The following SNX18 variants were observed in gnomAD, a reference collection of about 807,000 sequenced individuals.
SNX18 encodes the protein sorting nexin-18.
A neutral mutation model predicts 48.7 loss-of-function variants in SNX18; 35 were observed. That is an observed-to-expected ratio of 0.72 (90% CI 0.55 to 0.95). The LOEUF is 0.95. Among genes scored for constraint, SNX18 ranks in the 40% least tolerant of loss-of-function variants. The pLI is 0.00. For synonymous variants in SNX18, 492 were observed against 384.7 expected (o/e 1.28, Z -3.26); for missense variants, 824 against 871.0 (o/e 0.95, Z 0.68).
At chr5:54,633,062 C>A in the SNX18 span, among the ~76,000 whole-genome samples, 1 of 152,072 alleles carries the variant, frequency 6.6e-6, no homozygotes, top group Non-Finnish European at 1.5e-5. Flanking sequence ...TGAGCCACTG[C>A]GCCCGGCCCA....
chr5:54,534,692 CCT>C (rs998969697), intron 1 of SNX18, among the ~76,000 whole-genome samples: 2 of 149,396 alleles, frequency 1.3e-5, no homozygotes, highest in African/African-American at 5.0e-5. Flanking sequence ...TTTTTTTTTC[CCT>C]CTGTCTCACT....
chr5:54,567,602 G>T, the SNX18 span, among the ~76,000 whole-genome samples: 1 of 152,180 alleles, frequency 6.6e-6, no homozygotes, highest in South Asian at 2.1e-4. Context: ...GGAAGGAAAT[G>T]CATGATTTTC....
At chr5:54,640,709 A>G in the SNX18 span, among the ~76,000 whole-genome samples, 1 of 152,148 alleles carries the variant, frequency 6.6e-6, no homozygotes, top group African/African-American at 2.4e-5. Flanking sequence ...GGGCTCTTCA[A>G]TAGAAGGGGA....
At chr5:54,525,968 A>T (rs535378825) in intron 1 of SNX18, among the ~76,000 whole-genome samples, 1 of 152,250 alleles carries the variant, frequency 6.6e-6, no homozygotes, top group East Asian at 1.9e-4. Flanking sequence ...CCTCACTAGG[A>T]ACTTCGAATG....
the SNX18 span, among the ~76,000 whole-genome samples, chr5:54,574,420 CT>C: frequency 1.3e-5 from 2 of 152,218 alleles, no homozygotes; most frequent in African/African-American, 4.8e-5. Flanking sequence ...AAGACCCCAG[CT>C]CCCAAAGGTA....
At chr5:54,638,538 C>T in the SNX18 span, among the ~76,000 whole-genome samples, 3 of 151,918 alleles carry the variant, frequency 2.0e-5, no homozygotes, top group African/African-American at 7.3e-5. Context: ...TTTAAGAGGG[C>T]TTGGTATCTT....
chr5:54,528,472 G>A (rs562856433), intron 1 of SNX18, among the ~76,000 whole-genome samples: 13 of 152,356 alleles, frequency 8.5e-5, no homozygotes, highest in South Asian at 4.1e-4. Context: ...AGAGGCTTGA[G>A]TGGGCAGCAT....
chr5:54,585,281 G>T, the SNX18 span, among the ~76,000 whole-genome samples: 1 of 144,240 alleles, frequency 6.9e-6, no homozygotes, highest in African/African-American at 2.6e-5. Flanking sequence ...GACAGAGTGA[G>T]ACTCTGTCCC....
At chr5:54,562,805 G>A in the SNX18 span, among the ~76,000 whole-genome samples, 2 of 152,286 alleles carry the variant, frequency 1.3e-5, no homozygotes, top group East Asian at 3.9e-4. Context: ...TCCTTCAGGA[G>A]GTATCCAGAA....
chr5:54,647,873 G>A, the SNX18 span, among the ~76,000 whole-genome samples: 1 of 152,072 alleles, frequency 6.6e-6, no homozygotes, highest in Non-Finnish European at 1.5e-5. Context: ...AGAACTTGGA[G>A]ACTGACCGGA....
the SNX18 span, among the ~76,000 whole-genome samples, chr5:54,625,623 A>G: frequency 7.9e-5 from 12 of 152,164 alleles, no homozygotes; most frequent in Non-Finnish European, 1.5e-4. Context: ...GCTGTATTCT[A>G]TTTATTAGAA....
chr5:54,616,977 G>C, the SNX18 span, among the ~76,000 whole-genome samples: 1 of 152,130 alleles, frequency 6.6e-6, no homozygotes, highest in Admixed American at 6.5e-5. Flanking sequence ...ATCACATCAA[G>C]CTGGTTTTTA....
intron 1 of SNX18, among the ~76,000 whole-genome samples, chr5:54,534,772 G>A (rs1217536026): frequency 6.6e-6 from 1 of 152,018 alleles, no homozygotes; most frequent in Non-Finnish European, 1.5e-5. Flanking sequence ...ACATGGAACA[G>A]AGAAGTTTAG....
the SNX18 span, chr5:54,645,667 C>T: frequency 1.3e-5 from 2 of 152,234 alleles, no homozygotes; most frequent in Non-Finnish European, 2.9e-5. Context: ...TTTACTTTCT[C>T]TGTTCACAAT....
the SNX18 span, among the ~76,000 whole-genome samples, chr5:54,615,212 C>T: frequency 6.6e-6 from 1 of 152,158 alleles, no homozygotes; most frequent in South Asian, 2.1e-4. Flanking sequence ...ATATTTTTGT[C>T]TCTCGACTTC....
At chr5:54,642,138 C>T in the SNX18 span, among the ~76,000 whole-genome samples, 1 of 152,148 alleles carries the variant, frequency 6.6e-6, no homozygotes, top group East Asian at 1.9e-4. Flanking sequence ...CTATCAGGAA[C>T]CATGAAAGGT....
At chr5:54,619,557 T>A in the SNX18 span, among the ~76,000 whole-genome samples, 1 of 152,148 alleles carries the variant, frequency 6.6e-6, no homozygotes, top group African/African-American at 2.4e-5. Context: ...TGACGTGTAC[T>A]TTATGCGTTA....
At chr5:54,578,153 C>T in the SNX18 span, among the ~76,000 whole-genome samples, 5 of 152,148 alleles carry the variant, frequency 3.3e-5, no homozygotes, top group Admixed American at 6.5e-5. Flanking sequence ...AACTCTTCAG[C>T]CTTGGCCCAT....
At chr5:54,528,607 G>GT in intron 1 of SNX18, among the ~76,000 whole-genome samples, 1 of 152,174 alleles carries the variant, frequency 6.6e-6, no homozygotes, top group East Asian at 1.9e-4. Flanking sequence ...GATAAGCAAG[G>GT]TACCCGGTGC....
Sources: gnomAD v4.1 joint callset for allele counts (sites outside exome capture counted in the v4.1 genomes callset) on GRCh38, gnomAD v4.1.1 for gene constraint, MANE v1.5 for transcripts, NCBI Gene and HGNC (gene_info 2026-07-23, HGNC 2026-07-21) for gene names.